The following TNRC6B variants were observed in gnomAD, a reference collection of about 807,000 sequenced individuals.
The protein encoded by TNRC6B is trinucleotide repeat-containing gene 6B protein.
Under a neutral mutation model 203.6 loss-of-function variants are expected in TNRC6B, and 52 were observed. The observed-to-expected ratio is 0.26, with a 90% CI of 0.20 to 0.32. TNRC6B has a LOEUF of 0.32. TNRC6B is among the 10% of genes least tolerant of loss of function. The probability of loss-of-function intolerance (pLI) is 1.00; values close to 1 mark genes in which losing one functional copy is unlikely to be tolerated. For synonymous variants in TNRC6B, 838 were observed against 845.7 expected (o/e 0.99, Z 0.16); for missense variants, 1,923 against 2,286.2 (o/e 0.84, Z 3.24).
intron 1 of TNRC6B, among the ~76,000 whole-genome samples, chr22:40,216,458 T>A (rs778480064): frequency 6.6e-6 from 1 of 152,182 alleles, no homozygotes; most frequent in African/African-American, 2.4e-5. Context: ...ATATGCTCGA[T>A]AAATATTTGT....
chr22:40,295,960 T>C (rs1003013788), intron 12 of TNRC6B, among the ~76,000 whole-genome samples: 10 of 152,168 alleles, frequency 6.6e-5, no homozygotes, highest in African/African-American at 2.4e-4. Context: ...GAGCCCTCCC[T>C]GTCTGTGATT....
At position 40,144,525 on chromosome 22, in the gene TNRC6B, A is replaced by C. The variant is rs561107477; in HGVS notation, c.46-11590A>C. On this transcript the variant is annotated intron_variant, in intron 3 of 23. Coordinates refer to the TNRC6B transcript ENST00000301923. ...CCTGTCTCTACTAAAAATACCAAAAATTAGCCGGGCGTGGTGGCGGGCACC... is the reference window on the plus strand; with the variant it reads ...CCTGTCTCTACTAAAAATACCAAAACTTAGCCGGGCGTGGTGGCGGGCACC... Among the ~76,000 whole-genome samples the C allele has an allele frequency of 2.6e-5, 4 of 152,148 alleles. No homozygotes were observed. The East Asian group carries it at 7.8e-4, about 30-fold the overall frequency.
chr22:40,132,954 A>AT (rs1338592741), intron 3 of TNRC6B, among the ~76,000 whole-genome samples: 4,421 of 96,096 alleles, frequency 0.046, 405 homozygotes, highest in African/African-American at 0.18. Context: ...AAAAAAAAAA[A>AT]AAAAAAAAAA....
In TNRC6B at chr22:40,223,845, C is replaced by G. The variant is rs1224881987; in HGVS notation, c.6-22170C>G. ...TTTTGATAGGTAGCTGCCAAATTGTCCCGTACAGAGATTGCACCCGTTTAT... is the reference window on the plus strand; with the variant it reads ...TTTTGATAGGTAGCTGCCAAATTGTGCCGTACAGAGATTGCACCCGTTTAT... On this transcript the variant is annotated intron_variant, in intron 1 of 22. Transcript: ENST00000454349. 2.6e-5 allele frequency among the ~76,000 whole-genome samples: 4 copies of G among 152,304 alleles called. No homozygotes were observed. The East Asian group carries it at 5.8e-4, about 22-fold the overall frequency.
chr22:40,132,017 T>C (rs978489365), intron 3 of TNRC6B, among the ~76,000 whole-genome samples: 1 of 152,212 alleles, frequency 6.6e-6, no homozygotes, highest in African/African-American at 2.4e-5. Context: ...CATGGATCTG[T>C]CTTATTGTTC....
At chr22:40,077,075 G>A (rs2068021608) in intron 1 of TNRC6B, among the ~76,000 whole-genome samples, 1 of 145,274 alleles carries the variant, frequency 6.9e-6, no homozygotes, top group Non-Finnish European at 1.5e-5. Flanking sequence ...AGAAAAGAGA[G>A]AAGAGGAGAG....
At chr22:40,156,210 C>G (rs961349385) in intron 4 of TNRC6B, 10 of 1,551,712 alleles carry the variant, frequency 6.4e-6, no homozygotes, top group African/African-American at 2.7e-5. Flanking sequence ...TAAAAAGAGT[C>G]CTATTACAGA....
Position 40,280,092 on chromosome 22 carries a change from A to C in TNRC6B, c.3360A>C (p.Pro1120=), listed in dbSNP as rs547665100. 6.2e-7 allele frequency: 1 copy of C among 1,613,900 alleles called. No individual in the cohort carries two copies. The highest frequency in any genetic ancestry group is 2.2e-5 in the East Asian group (1 of 44,884). The change falls in exon 10 of 23, where the codon CCA becomes CCC. Residue 1120 remains proline (P), a synonymous_variant. Transcript: ENST00000454349. The part of the protein sequence containing the change: ...IMRKDRSGFR[P]PNSKDMGTTD... ...GGAAGGATCGATCTGGGTTCCGTCCACCTAATTCCAAAGACATGGGAACCA... is the reference window on the plus strand; with the variant it reads ...GGAAGGATCGATCTGGGTTCCGTCCCCCTAATTCCAAAGACATGGGAACCA...
chr22:40,220,169 C>T (rs1236210446), intron 1 of TNRC6B, among the ~76,000 whole-genome samples: 3 of 152,186 alleles, frequency 2.0e-5, no homozygotes, highest in African/African-American at 7.2e-5. Flanking sequence ...CTGTGGCTTC[C>T]CGAGCTCTGA....
chr22:40,236,044 C>G (rs2069942933), intron 1 of TNRC6B, among the ~76,000 whole-genome samples: 1 of 152,152 alleles, frequency 6.6e-6, no homozygotes, highest in Non-Finnish European at 1.5e-5. Flanking sequence ...GCCATTCCAA[C>G]AATGGTAACT....
chr22:40,170,232 C>T (rs181703617), intron 4 of TNRC6B, among the ~76,000 whole-genome samples: 22 of 145,206 alleles, frequency 1.5e-4, no homozygotes, highest in Middle Eastern at 3.5e-3. Flanking sequence ...GAGCCATGTT[C>T]GTGTTGCTGC....
At position 40,241,464 on chromosome 22, in the gene TNRC6B, G is replaced by A. The variant is rs554266625; in HGVS notation, c.6-4551G>A. ...ACAATTCCTCAATCTTTCCTTGACT[G>A]TCACAGCCTTAAAACTTTTGAAGAT... On this transcript the variant is annotated intron_variant, in intron 1 of 22. Coordinates refer to ENST00000454349, the MANE Select transcript of TNRC6B (RefSeq NM_001162501.2). Among the ~76,000 whole-genome samples, 13 of 152,286 alleles carry A rather than the reference G, an allele frequency of 8.5e-5. No homozygotes were observed. In the South Asian group the frequency reaches 1.2e-3, roughly 15 times the overall value.
intron 12 of TNRC6B, among the ~76,000 whole-genome samples, chr22:40,287,836 G>A (rs713898): frequency 0.12 from 17,859 of 152,222 alleles, 1,129 homozygotes; most frequent in South Asian, 0.16. Flanking sequence ...GGAGGTGATA[G>A]CAGAATTCCC....
At chr22:40,052,685 G>A (rs1044426902) in intron 1 of TNRC6B, among the ~76,000 whole-genome samples, 1 of 152,010 alleles carries the variant, frequency 6.6e-6, no homozygotes, top group Admixed American at 6.6e-5. Context: ...CCAGGCTCAA[G>A]CAATCTGCCT....
At chr22:40,215,008 G>A (rs28722029) in intron 1 of TNRC6B, among the ~76,000 whole-genome samples, 38,875 of 132,266 alleles carry the variant, frequency 0.29, 5,720 homozygotes, top group East Asian at 0.5. Context: ...AATTTTCTGT[G>A]CAATGATTTG....
chr22:40,235,489 G>A (rs1387272196), intron 1 of TNRC6B, among the ~76,000 whole-genome samples: 1 of 152,166 alleles, frequency 6.6e-6, no homozygotes, highest in African/African-American at 2.4e-5. Context: ...CTCTGGTAAA[G>A]TCACACATGC....
intron 3 of TNRC6B, among the ~76,000 whole-genome samples, chr22:40,132,261 G>A (rs987623082): frequency 1.4e-4 from 21 of 152,212 alleles, no homozygotes; most frequent in African/African-American, 4.8e-4. Context: ...AGCTACTCGG[G>A]AGGCTGAGGC....
chr22:40,316,159 C>T, intron 21 of TNRC6B, 147 bp downstream of exon 21: 2 of 633,230 alleles, frequency 3.2e-6, no homozygotes, highest in African/African-American at 1.9e-5. Context: ...TCAAGACCAT[C>T]CTGGCTAACA....
chr22:40,064,644 G>A lies in TNRC6B; in HGVS notation c.-121+19646G>A, dbSNP rs1251534600. Among the ~76,000 whole-genome samples, 3 of 150,160 alleles carry A rather than the reference G, an allele frequency of 2.0e-5. No individual in the cohort carries two copies. In the East Asian group the frequency reaches 5.8e-4, roughly 29 times the overall value. Reference sequence around the variant, plus strand: ...TTTTTTTTTTTCTTTTTGAGACAGGGTCTCACTCTGTCGCCAGGTGGAAGT... The same window carrying A: ...TTTTTTTTTTTCTTTTTGAGACAGGATCTCACTCTGTCGCCAGGTGGAAGT... On this transcript the variant is annotated intron_variant, in intron 1 of 23. Transcript: ENST00000301923.
Sources: allele counts gnomAD v4.1 joint callset (sites outside exome capture counted in the v4.1 genomes callset), GRCh38; gene constraint gnomAD v4.1.1; transcripts MANE v1.5; gene names NCBI Gene and HGNC (gene_info 2026-07-23, HGNC 2026-07-21).